Variants in NRXN3 observed in about 807,000 individuals in gnomAD.
NRXN3 encodes the protein neurexin III.
In NRXN3, 32 loss-of-function variants were observed where a neutral mutation model predicts 137.6. The ratio of observed to expected loss-of-function variants is 0.23; its 90% CI spans 0.18 to 0.31. NRXN3 has a LOEUF of 0.31. Among genes scored for constraint, NRXN3 ranks in the 10% least tolerant of loss-of-function variants. The probability of loss-of-function intolerance (pLI) is 1.00; values close to 1 mark genes in which losing one functional copy is unlikely to be tolerated. For synonymous variants in NRXN3, 798 were observed against 784.5 expected (o/e 1.02, Z -0.29); for missense variants, 1,574 against 2,062.5 (o/e 0.76, Z 4.59).
chr14:79,423,355 C>G (rs539629454), intron 15 of NRXN3, among the ~76,000 whole-genome samples: 1 of 152,276 alleles, frequency 6.6e-6, no homozygotes, highest in East Asian at 1.9e-4. Flanking sequence ...GTTTTCCTTT[C>G]CAAGCTCCAT....
intron 4 of NRXN3, among the ~76,000 whole-genome samples, chr14:78,576,901 G>A (rs967580339): frequency 6.6e-6 from 1 of 152,152 alleles, no homozygotes; most frequent in African/African-American, 2.4e-5. Context: ...CCCACTAATG[G>A]TATAAGACTT....
intron 6 of NRXN3, among the ~76,000 whole-genome samples, chr14:78,686,813 TA>T (rs1460953840): frequency 6.6e-6 from 1 of 152,178 alleles, no homozygotes; most frequent in Non-Finnish European, 1.5e-5. Context: ...AAGGTTTGCA[TA>T]ATTCCCTGTG....
chr14:79,411,888 G>A (rs1288689881), intron 15 of NRXN3, among the ~76,000 whole-genome samples: 12 of 152,084 alleles, frequency 7.9e-5, no homozygotes, highest in South Asian at 2.1e-4. Flanking sequence ...ACAGATAAAC[G>A]GATTTTTCTG....
chr14:79,206,116 A>G (rs1053355404), intron 15 of NRXN3, among the ~76,000 whole-genome samples: 15 of 152,182 alleles, frequency 9.9e-5, no homozygotes, highest in African/African-American at 3.4e-4. Context: ...TGTGACTATC[A>G]ATACATAATA....
intron 10 of NRXN3, among the ~76,000 whole-genome samples, chr14:78,842,359 C>T (rs1026838119): frequency 3.3e-5 from 5 of 152,020 alleles, no homozygotes; most frequent in South Asian, 2.1e-4. Context: ...CGGCAGGTTC[C>T]GTGATGCCCC....
At chr14:78,502,108 T>C (rs1315806480) in intron 4 of NRXN3, among the ~76,000 whole-genome samples, 1 of 152,104 alleles carries the variant, frequency 6.6e-6, no homozygotes, top group Non-Finnish European at 1.5e-5. Flanking sequence ...ACGTGACCAG[T>C]ATTTCACAGC....
intron 10 of NRXN3, among the ~76,000 whole-genome samples, chr14:78,836,256 T>C (rs1011619341): frequency 2.6e-5 from 4 of 152,232 alleles, no homozygotes; most frequent in Admixed American, 6.5e-5. Flanking sequence ...TATTCTATTA[T>C]CTGCCATGAT....
intron 16 of NRXN3, among the ~76,000 whole-genome samples, chr14:79,613,440 G>T (rs1232545547): frequency 2.0e-5 from 3 of 152,130 alleles, no homozygotes; most frequent in Non-Finnish European, 4.4e-5. Context: ...GATATCCCAA[G>T]CATCACAAAG....
intron 15 of NRXN3, among the ~76,000 whole-genome samples, chr14:79,203,208 C>T (rs761979522): frequency 6.0e-4 from 91 of 152,150 alleles, no homozygotes; most frequent in Non-Finnish European, 1.1e-3. Flanking sequence ...CCTTCAAACT[C>T]CTCCAGAAAT....
chr14:79,082,391 T>TTGTG (rs57728169), intron 15 of NRXN3, among the ~76,000 whole-genome samples: 10,605 of 146,860 alleles, frequency 0.072, 638 homozygotes, highest in African/African-American at 0.16. Context: ...TGCAAACTAA[T>TTGTG]TGTGTGTGTG....
At chr14:78,446,429 A>G (rs8018020) in intron 4 of NRXN3, among the ~76,000 whole-genome samples, 13,823 of 151,738 alleles carry the variant, frequency 0.091, 859 homozygotes, top group African/African-American at 0.16. Flanking sequence ...TTCCATTATA[A>G]CATCATCATT....
At chr14:79,368,822 A>C (rs1029061818) in intron 15 of NRXN3, among the ~76,000 whole-genome samples, 1 of 152,210 alleles carries the variant, frequency 6.6e-6, no homozygotes, top group African/African-American at 2.4e-5. Context: ...TATTTCAACC[A>C]TTTGTTCCAT....
intron 17 of NRXN3, among the ~76,000 whole-genome samples, chr14:79,673,136 G>T (rs1168573300): frequency 1.3e-5 from 2 of 152,034 alleles, no homozygotes; most frequent in African/African-American, 4.8e-5. Context: ...GCTGAAGAGA[G>T]GGGAAAGGGG....
Position 78,193,761 on chromosome 14 carries a change from C to CAAA in NRXN3, c.-704+23105_-704+23107dup, listed in dbSNP as rs375804646. Among the ~76,000 whole-genome samples, 177 of 109,036 alleles carry CAAA rather than the reference C, an allele frequency of 1.6e-3. 1 individual carries two copies. Among genetic ancestry groups the CAAA allele is most frequent in the South Asian group, 0.011 (35 of 3,154 alleles). The allele number at this position is 109,036 out of a possible 152,430, so 71.5% of individuals were successfully genotyped here. ...TGGGTGACAGAATGAAACTCTGTCT[C>CAAA]AAAAAAAAAAAAAAAAAAAAGTTAT... On this transcript the variant is annotated intron_variant, in intron 1 of 20. Transcript: ENST00000335750.
At chr14:79,634,923 T>C (rs988468621) in intron 16 of NRXN3, among the ~76,000 whole-genome samples, 5 of 152,204 alleles carry the variant, frequency 3.3e-5, no homozygotes, top group African/African-American at 9.7e-5. Context: ...GAGGTATTTG[T>C]CCGTCTGTGT....
intron 4 of NRXN3, among the ~76,000 whole-genome samples, chr14:78,371,473 T>C (rs1270795471): frequency 6.6e-6 from 1 of 152,188 alleles, no homozygotes; most frequent in Non-Finnish European, 1.5e-5. Context: ...ACCTGATTCT[T>C]CCTGGACACT....
chr14:79,263,028 C>A (rs1000365623), intron 15 of NRXN3, among the ~76,000 whole-genome samples: 3 of 152,050 alleles, frequency 2.0e-5, no homozygotes, highest in African/African-American at 7.3e-5. Context: ...GTTTGTTTGA[C>A]CTCAGTCTTA....
intron 6 of NRXN3, among the ~76,000 whole-genome samples, chr14:78,687,974 C>T (rs2098138191): frequency 6.6e-6 from 1 of 152,144 alleles, no homozygotes; most frequent in Non-Finnish European, 1.5e-5. Flanking sequence ...TATCCAAGTG[C>T]AGATATTTGA....
chr14:78,263,049 A>AT (rs200604484), intron 2 of NRXN3, among the ~76,000 whole-genome samples: 4 of 38,456 alleles, frequency 1.0e-4, no homozygotes, highest in Non-Finnish European at 1.8e-4. Flanking sequence ...TGGTGAAGTC[A>AT]CTTTTTTTTT....
Sources: gnomAD v4.1 joint callset for allele counts (sites outside exome capture counted in the v4.1 genomes callset) on GRCh38, gnomAD v4.1.1 for gene constraint, MANE v1.5 for transcripts, NCBI Gene and HGNC (gene_info 2026-07-23, HGNC 2026-07-21) for gene names.